DYNC2I1: variants seen among roughly 807,000 people sequenced by gnomAD.
DYNC2I1 encodes the protein dynein 2 intermediate chain 1, also known as cytoplasmic dynein 2 intermediate chain 1.
Under a neutral mutation model 133.4 loss-of-function variants are expected in DYNC2I1, and 89 were observed. The observed-to-expected ratio is 0.67, with a 90% CI of 0.56 to 0.80. The LOEUF (loss-of-function observed/expected upper bound fraction) is 0.80. DYNC2I1 is among the 30% of genes least tolerant of loss of function. The pLI is 0.00. For missense variants in DYNC2I1, 1,291 were observed against 1,314.5 expected (o/e 0.98, Z 0.28); for synonymous variants, 504 against 484.3 (o/e 1.04, Z -0.54).
chr7:158,865,169 C>T (rs554244341), intron 1 of DYNC2I1, among the ~76,000 whole-genome samples: 35 of 152,328 alleles, frequency 2.3e-4, no homozygotes, highest in African/African-American at 4.3e-4. Flanking sequence ...TTTGGCTTCA[C>T]CACCTCTGAT....
intron 3 of DYNC2I1, 58 bp downstream of exon 3, chr7:158,871,620 ACAGGTTGATAGCTCG>A: frequency 2.3e-6 from 3 of 1,328,582 alleles, no homozygotes; most frequent in Non-Finnish European, 2.0e-6. Flanking sequence ...GCTGCTGGTG[ACAGGTTGATAGCTCG>A]CTGCCTCCCC....
At chr7:158,921,211 G>A (rs998363810) in intron 15 of DYNC2I1, among the ~76,000 whole-genome samples, 1 of 152,166 alleles carries the variant, frequency 6.6e-6, no homozygotes, top group African/African-American at 2.4e-5. Flanking sequence ...AAAACCGGAC[G>A]GAGATGAGAG....
intron 5 of DYNC2I1, among the ~76,000 whole-genome samples, chr7:158,883,268 A>G (rs2129479764): frequency 6.7e-6 from 1 of 149,264 alleles, no homozygotes; most frequent in South Asian, 2.1e-4. Context: ...CCCAGGCCAG[A>G]GAGCAGTGGT....
At chr7:158,857,227 T>A (rs910076115) in intron 1 of DYNC2I1, among the ~76,000 whole-genome samples, 4 of 152,236 alleles carry the variant, frequency 2.6e-5, no homozygotes, top group African/African-American at 9.6e-5. Flanking sequence ...GCAAACTCAC[T>A]TAACATGTCT....
intron 1 of DYNC2I1, among the ~76,000 whole-genome samples, chr7:158,863,489 T>G (rs1354679375): frequency 3.3e-5 from 5 of 151,468 alleles, no homozygotes; most frequent in Non-Finnish European, 5.9e-5. Context: ...AATATGGCTG[T>G]TGGTGGTGAT....
intron 14 of DYNC2I1, among the ~76,000 whole-genome samples, chr7:158,915,062 G>C (rs62476468): frequency 6.1e-4 from 79 of 128,488 alleles, no homozygotes; most frequent in African/African-American, 6.9e-4. Context: ...CGCTAGTTGA[G>C]ATTAAGGATG....
At chr7:158,891,460 C>T in intron 8 of DYNC2I1, 127 bp downstream of exon 8, 7 of 1,001,920 alleles carry the variant, frequency 7.0e-6, no homozygotes, top group South Asian at 1.4e-5. Context: ...AGAACATGAG[C>T]ATGAAGGGAC....
chr7:158,948,019 C>T (rs926249612), downstream of DYNC2I1, among the ~76,000 whole-genome samples: 1 of 152,238 alleles, frequency 6.6e-6, no homozygotes, highest in Non-Finnish European at 1.5e-5. Flanking sequence ...ATCTGCCCCT[C>T]AGCCTCACCC....
At chr7:158,858,063 T>G (rs761741531) in intron 1 of DYNC2I1, among the ~76,000 whole-genome samples, 1 of 152,064 alleles carries the variant, frequency 6.6e-6, no homozygotes, top group Non-Finnish European at 1.5e-5. Context: ...AGTGCTGGGA[T>G]TACAGGCGTG....
chr7:158,929,500 G>A (rs1390902325), intron 20 of DYNC2I1, among the ~76,000 whole-genome samples: 1 of 152,056 alleles, frequency 6.6e-6, no homozygotes, highest in African/African-American at 2.4e-5. Context: ...GGGAGGACCC[G>A]GCCAGAAAAG....
chr7:158,930,646 C>T, intron 21 of DYNC2I1, 131 bp downstream of exon 21: 1 of 742,138 alleles, frequency 1.3e-6, no homozygotes, highest in Middle Eastern at 2.4e-4. Flanking sequence ...TGTTTTTTTA[C>T]TGTTTTGTTA....
rs777524846 is a variant in DYNC2I1, at chr7:158,914,339, A to G, written c.1791+18A>G. 2 of 1,597,530 alleles carry G rather than the reference A, an allele frequency of 1.3e-6. No individual in the cohort carries two copies. The highest frequency in any genetic ancestry group is 1.7e-6 in the Non-Finnish European group (2 of 1,170,042). ...CTTGTCAGGTATACTCAACCTATAT[A>G]TGTTGTGTTCTCTGTGTAAGTGCTT... On this transcript the variant is annotated intron_variant, in intron 14 of 24. Transcript: ENST00000407559.
the DYNC2I1 span, among the ~76,000 whole-genome samples, chr7:158,843,739 T>G: frequency 6.6e-6 from 1 of 152,096 alleles, no homozygotes; most frequent in South Asian, 2.1e-4. Context: ...AACTAAAACG[T>G]GACAGAGGCA....
intron 10 of DYNC2I1, chr7:158,904,317 T>C (rs1846542043): frequency 6.6e-6 from 1 of 152,304 alleles, no homozygotes; most frequent in Non-Finnish European, 1.5e-5. Context: ...CGGTTTGTTT[T>C]CTGTGTCCTC....
chr7:158,888,272 C>T (rs937890025), intron 7 of DYNC2I1, among the ~76,000 whole-genome samples: 3 of 152,040 alleles, frequency 2.0e-5, no homozygotes, highest in African/African-American at 7.2e-5. Flanking sequence ...ATCTGCCGAC[C>T]TCGGCCTCCC....
intron 6 of DYNC2I1, among the ~76,000 whole-genome samples, chr7:158,885,943 T>C (rs1182421753): frequency 7.9e-5 from 12 of 151,690 alleles, no homozygotes; most frequent in Non-Finnish European, 1.0e-4. Context: ...ATCTTTATTT[T>C]AGGTCCTAAC....
At chr7:158,953,458 C>T (rs1007374210) in intron 4 of DYNC2I1, among the ~76,000 whole-genome samples, 1 of 152,210 alleles carries the variant, frequency 6.6e-6, no homozygotes, top group African/African-American at 2.4e-5. Context: ...TACAAGGTTC[C>T]TGCTCACATG....
intron 21 of DYNC2I1, among the ~76,000 whole-genome samples, 162 bp downstream of exon 21, chr7:158,930,677 T>A (rs1850134619): frequency 6.6e-6 from 1 of 152,234 alleles, no homozygotes; most frequent in South Asian, 2.1e-4. Flanking sequence ...TTTATTTTTT[T>A]ATTTTTTTGA....
intron 21 of DYNC2I1, 120 bp downstream of exon 21, chr7:158,930,635 T>C (rs1221104705): frequency 5.0e-6 from 4 of 793,208 alleles, no homozygotes; most frequent in Non-Finnish European, 8.0e-6. Flanking sequence ...TTTTCTCACA[T>C]TGTTTTTTTA....
Sources: gnomAD v4.1 joint callset for allele counts (sites outside exome capture counted in the v4.1 genomes callset) on GRCh38, gnomAD v4.1.1 for gene constraint, MANE v1.5 for transcripts, NCBI Gene and HGNC (gene_info 2026-07-23, HGNC 2026-07-21) for gene names.